Variants in CSMD1 observed in about 807,000 individuals in gnomAD.
The protein encoded by CSMD1 is CUB and Sushi multiple domains 1, also known as CUB and sushi domain-containing protein 1.
A neutral mutation model predicts 417.5 loss-of-function variants in CSMD1; 213 were observed. The observed-to-expected ratio is 0.51, with a 90% CI of 0.46 to 0.57. CSMD1 has a LOEUF of 0.57. Ranked by LOEUF, CSMD1 falls within the 20% of genes least tolerant of loss-of-function variation. The probability of loss-of-function intolerance (pLI) is 0.00; values close to 1 mark genes in which losing one functional copy is unlikely to be tolerated. For synonymous variants in CSMD1, 2,862 were observed against 1,736.8 expected, an observed-to-expected ratio of 1.65 and a Z score of -16.11; for missense variants, 6,923 against 4,529.7, an observed-to-expected ratio of 1.53 and a Z score of -15.17.
At chr8:4,022,191 T>C (rs1796823768) in intron 4 of CSMD1, among the ~76,000 whole-genome samples, 1 of 148,300 alleles carries the variant, frequency 6.7e-6, no homozygotes, top group Non-Finnish European at 1.5e-5. Flanking sequence ...TGTGTATATA[T>C]ATATATATAA....
intron 3 of CSMD1, among the ~76,000 whole-genome samples, chr8:4,058,551 G>T (rs1263709706): frequency 6.6e-6 from 1 of 151,680 alleles, no homozygotes; most frequent in African/African-American, 2.4e-5. Context: ...AATTGCCCTG[G>T]CCAGAACTTC....
chr8:3,244,167 C>G (rs762391248), intron 26 of CSMD1, among the ~76,000 whole-genome samples: 1 of 152,196 alleles, frequency 6.6e-6, no homozygotes, highest in Non-Finnish European at 1.5e-5. Context: ...GGTTCGAAAT[C>G]AGGTTTATAA....
intron 1 of CSMD1, among the ~76,000 whole-genome samples, chr8:4,747,945 A>G (rs531089301): frequency 1.3e-5 from 2 of 152,344 alleles, no homozygotes; most frequent in East Asian, 1.9e-4. Context: ...AGAAACTACC[A>G]TATGTTCTGC....
chr8:4,368,155 G>C (rs73175767), intron 3 of CSMD1, among the ~76,000 whole-genome samples: 1,974 of 152,078 alleles, frequency 0.013, 16 homozygotes, highest in Non-Finnish European at 0.02. Flanking sequence ...TCATTTTTTT[G>C]AGATATATTC....
intron 12 of CSMD1, among the ~76,000 whole-genome samples, chr8:3,450,023 T>C (rs766753324): frequency 1.3e-5 from 2 of 152,204 alleles, no homozygotes; most frequent in Admixed American, 6.5e-5. Flanking sequence ...TCCTCATCGA[T>C]GTGGTCCTCA....
Position 4,734,252 on chromosome 8 carries a change from T to C in CSMD1, c.86-96694A>G, listed in dbSNP as rs571455498. On this transcript the variant is annotated intron_variant, in intron 1 of 69. Coordinates refer to ENST00000635120, the MANE Select transcript of CSMD1 (RefSeq NM_033225.6). ...TTTTGATTTTCTAGCTTTCAAGAAA[T>C]CTATTAAATCCTTTTAAAAAATGTG... 1.2e-3 allele frequency among the ~76,000 whole-genome samples: 179 copies of C among 152,318 alleles called. 2 individuals carry two copies. The highest frequency in any genetic ancestry group is 4.2e-3 in the African/African-American group (173 of 41,580).
chr8:3,496,803 C>G (rs1796383226), intron 10 of CSMD1, among the ~76,000 whole-genome samples: 1 of 152,078 alleles, frequency 6.6e-6, no homozygotes, highest in Admixed American at 6.5e-5. Context: ...GCACTCCAAC[C>G]TGGGCAACAG....
chr8:4,732,694 C>G (rs192177077), intron 1 of CSMD1, among the ~76,000 whole-genome samples: 49 of 152,266 alleles, frequency 3.2e-4, no homozygotes, highest in African/African-American at 1.1e-3. Context: ...CTTGCTCTGA[C>G]TAAGCAGACT....
At chr8:3,725,607 A>C (rs1802437476) in intron 6 of CSMD1, among the ~76,000 whole-genome samples, 1 of 152,034 alleles carries the variant, frequency 6.6e-6, no homozygotes, top group African/African-American at 2.4e-5. Context: ...CTTAGGAGAG[A>C]GAAGGTTTCA....
chr8:3,670,678 T>C (rs117073610), intron 7 of CSMD1, among the ~76,000 whole-genome samples: 11,843 of 124,424 alleles, frequency 0.095, 1,782 homozygotes, highest in South Asian at 0.15. Flanking sequence ...TACATGGTTA[T>C]ATATGTATGG....
chr8:4,871,844 T>C (rs1802756522), intron 1 of CSMD1, among the ~76,000 whole-genome samples: 1 of 152,130 alleles, frequency 6.6e-6, no homozygotes, highest in Admixed American at 6.5e-5. Context: ...GGTTCTGTGC[T>C]TGCCAGCAGG....
chr8:3,580,362 CG>C (rs914619176), intron 9 of CSMD1, among the ~76,000 whole-genome samples: 1 of 152,030 alleles, frequency 6.6e-6, no homozygotes, highest in African/African-American at 2.4e-5. Context: ...TGGCATTTGA[CG>C]AACGGCATAA....
At chr8:3,101,236 A>C (rs1815717347) in intron 46 of CSMD1, among the ~76,000 whole-genome samples, 1 of 152,142 alleles carries the variant, frequency 6.6e-6, no homozygotes, top group Non-Finnish European at 1.5e-5. Flanking sequence ...AGCAGTAGGA[A>C]GCCATCTCCT....
At chr8:3,795,206 A>C (rs1321052975) in intron 5 of CSMD1, among the ~76,000 whole-genome samples, 2 of 111,576 alleles carry the variant, frequency 1.8e-5, no homozygotes, top group Non-Finnish European at 3.5e-5. Flanking sequence ...GTACAGATAT[A>C]GATACCTATC....
intron 7 of CSMD1, among the ~76,000 whole-genome samples, chr8:3,650,432 A>G (rs1797794604): frequency 6.6e-6 from 1 of 152,206 alleles, no homozygotes; most frequent in Admixed American, 6.5e-5. Flanking sequence ...AATAAATACT[A>G]TGAATAGGAA....
At chr8:3,900,363 A>G (rs1181507766) in intron 5 of CSMD1, among the ~76,000 whole-genome samples, 1 of 142,120 alleles carries the variant, frequency 7.0e-6, no homozygotes, top group South Asian at 2.3e-4. Context: ...GGTTGACAGC[A>G]CAGCTGTGTG....
At chr8:4,374,338 T>A (rs1220318181) in intron 3 of CSMD1, among the ~76,000 whole-genome samples, 1 of 152,176 alleles carries the variant, frequency 6.6e-6, no homozygotes, top group Non-Finnish European at 1.5e-5. Flanking sequence ...ATCTTTTTCT[T>A]TATTTTCAGA....
At chr8:3,992,800 G>T (rs573265706) in intron 5 of CSMD1, among the ~76,000 whole-genome samples, 1 of 152,178 alleles carries the variant, frequency 6.6e-6, no homozygotes, top group African/African-American at 2.4e-5. Context: ...AAATTATAAA[G>T]GAAAGCACAA....
In CSMD1 at chr8:3,407,929, T is replaced by C. The variant is rs774551329; in HGVS notation, c.2041A>G (p.Thr681Ala). Residue 681 changes from threonine (T) to alanine (A), a missense_variant, in exon 14 of 70, where the codon ACT becomes GCT. By Grantham distance (58) the Thr-to-Ala change is moderately conservative. Coordinates refer to ENST00000635120, the MANE Select transcript of CSMD1 (RefSeq NM_033225.6). ...RLEFQSDHST[T>A]GRGFNITYTT... ...TAAGTGATGTTGAACCCTCTGCCAG[T>C]AGTGGAATGGTCAGACTGAAATTCC... 3.2e-5 allele frequency: 51 copies of C among 1,612,696 alleles called. No homozygotes were observed. Among genetic ancestry groups the C allele is most frequent in the Non-Finnish European group, 4.2e-5 (49 of 1,179,206 alleles).
Sources: allele counts gnomAD v4.1 joint callset (sites outside exome capture counted in the v4.1 genomes callset), GRCh38; gene constraint gnomAD v4.1.1; transcripts MANE v1.5; gene names NCBI Gene and HGNC (gene_info 2026-07-23, HGNC 2026-07-21).